The following TAFA1 variants were observed in gnomAD, a reference collection of about 807,000 sequenced individuals.
TAFA1 encodes the protein TAFA chemokine like family member 1.
In TAFA1, 4 loss-of-function variants were observed where a neutral mutation model predicts 18.5. The observed-to-expected ratio is 0.22, with a 90% CI of 0.11 to 0.49. TAFA1 has a LOEUF of 0.49. Ranked by LOEUF, TAFA1 falls within the 20% of genes least tolerant of loss-of-function variation. TAFA1 has a pLI of 0.98. For missense variants in TAFA1, 147 were observed against 169.0 expected (o/e 0.87, Z 0.72); for synonymous variants, 56 against 55.2 (o/e 1.01, Z -0.06).
intron 2 of TAFA1, among the ~76,000 whole-genome samples, chr3:68,294,799 C>T (rs75505092): frequency 0.088 from 13,429 of 152,066 alleles, 907 homozygotes; most frequent in East Asian, 0.34. Context: ...ATCGTTTGAG[C>T]CTGGGAGGTT....
intron 3 of TAFA1, among the ~76,000 whole-genome samples, chr3:68,435,129 G>T (rs2071247992): frequency 6.6e-6 from 1 of 152,108 alleles, no homozygotes; most frequent in Non-Finnish European, 1.5e-5. Context: ...GGGTGTTCTA[G>T]ATGGCTTCTC....
rs377309372 is a variant in TAFA1, at chr3:68,313,016, C to T, written c.119-104264C>T. Among the ~76,000 whole-genome samples, 6 of 152,056 alleles carry T rather than the reference C, an allele frequency of 3.9e-5. No homozygotes were observed. The East Asian group carries it at 1.2e-3, about 29-fold the overall frequency. Reference sequence around the variant, plus strand: ...AAAAAAGAGAGCTTGTGCAGGGAGACTCCGATTTTTAAAGTCGTCAGATCT... The same window carrying T: ...AAAAAAGAGAGCTTGTGCAGGGAGATTCCGATTTTTAAAGTCGTCAGATCT... On this transcript the variant is annotated intron_variant, in intron 2 of 4. Coordinates refer to ENST00000478136, the MANE Select transcript of TAFA1 (RefSeq NM_213609.4).
intron 1 of TAFA1, among the ~76,000 whole-genome samples, chr3:68,006,021 G>A (rs1704350292): frequency 6.6e-6 from 1 of 152,188 alleles, no homozygotes; most frequent in African/African-American, 2.4e-5. Flanking sequence ...TAGGATAGAA[G>A]CATAGGTGTT....
chr3:68,011,189 T>A (rs1704464779), intron 2 of TAFA1, among the ~76,000 whole-genome samples: 1 of 152,064 alleles, frequency 6.6e-6, no homozygotes, highest in Non-Finnish European at 1.5e-5. Flanking sequence ...ATCTCAAAAT[T>A]ATTTAGCAAG....
chr3:68,094,553 T>C (rs946844658), intron 2 of TAFA1, among the ~76,000 whole-genome samples: 1 of 152,174 alleles, frequency 6.6e-6, no homozygotes, highest in Admixed American at 6.6e-5. Context: ...GAATTGTTAA[T>C]AATATTTGCT....
At chr3:68,083,397 A>T (rs945717068) in intron 2 of TAFA1, among the ~76,000 whole-genome samples, 6 of 152,274 alleles carry the variant, frequency 3.9e-5, no homozygotes, top group Admixed American at 3.3e-4. Flanking sequence ...CAAGTAAAAT[A>T]ATACATTAAA....
chr3:68,407,875 T>C (rs1007348788), intron 2 of TAFA1, among the ~76,000 whole-genome samples: 7 of 152,138 alleles, frequency 4.6e-5, no homozygotes, highest in African/African-American at 1.7e-4. Flanking sequence ...ATCTCAAGCA[T>C]AAACAAATCA....
At chr3:68,445,534 G>A (rs2071460584) in intron 3 of TAFA1, among the ~76,000 whole-genome samples, 2 of 152,152 alleles carry the variant, frequency 1.3e-5, no homozygotes, top group South Asian at 4.1e-4. Flanking sequence ...TGCAGTTGCA[G>A]ACACTGAAAT....
intron 2 of TAFA1, among the ~76,000 whole-genome samples, chr3:68,068,684 A>G (rs1050809604): frequency 6.6e-6 from 1 of 152,188 alleles, no homozygotes; most frequent in Non-Finnish European, 1.5e-5. Context: ...CCTGATCACA[A>G]AAGACCTCAT....
chr3:68,411,215 A>T (rs1211171044), intron 2 of TAFA1, among the ~76,000 whole-genome samples: 1 of 152,202 alleles, frequency 6.6e-6, no homozygotes, highest in East Asian at 1.9e-4. Context: ...TCACTGTATC[A>T]TGGGTGGGCC....
chr3:68,513,845 A>T (rs2072883415), intron 3 of TAFA1, among the ~76,000 whole-genome samples: 1 of 152,180 alleles, frequency 6.6e-6, no homozygotes, highest in African/African-American at 2.4e-5. Context: ...TTTCTCAAGT[A>T]GCTTTTGATC....
intron 3 of TAFA1, among the ~76,000 whole-genome samples, chr3:68,479,966 A>T (rs574853648): frequency 1.3e-5 from 2 of 152,312 alleles, no homozygotes; most frequent in African/African-American, 4.8e-5. Context: ...ATGGTTTGAG[A>T]CAAGTCTTTC....
intron 2 of TAFA1, among the ~76,000 whole-genome samples, chr3:68,375,449 A>T (rs1330575783): frequency 6.6e-6 from 1 of 152,204 alleles, no homozygotes; most frequent in Non-Finnish European, 1.5e-5. Context: ...CACACAAGTC[A>T]GTGGGCAAAA....
At chr3:68,397,431 G>A (rs1441127697) in intron 2 of TAFA1, among the ~76,000 whole-genome samples, 1 of 152,124 alleles carries the variant, frequency 6.6e-6, no homozygotes, top group African/African-American at 2.4e-5. Context: ...CTGTTCCTGT[G>A]TTAGTTTGCT....
At chr3:68,065,307 A>G (rs922226192) in intron 2 of TAFA1, among the ~76,000 whole-genome samples, 1 of 152,156 alleles carries the variant, frequency 6.6e-6, no homozygotes, top group Non-Finnish European at 1.5e-5. Flanking sequence ...GGATGACTGC[A>G]GAATACATTT....
chr3:68,071,997 T>G (rs1278121440), intron 2 of TAFA1, among the ~76,000 whole-genome samples: 2 of 152,228 alleles, frequency 1.3e-5, no homozygotes, highest in Admixed American at 1.3e-4. Flanking sequence ...GACAAATATC[T>G]AAACTATATC....
chr3:68,006,489 G>A lies in TAFA1; in HGVS notation c.-3-135G>A, dbSNP rs148355468. ...AATCCCACTTCATGGCATGACCTCT[G>A]CTGGATCATTAGTTCTAGCCAGAGA... On this transcript the variant is annotated intron_variant, in intron 1 of 4. Coordinates refer to ENST00000478136, the MANE Select transcript of TAFA1 (RefSeq NM_213609.4). 246 of 668,774 alleles carry A rather than the reference G, an allele frequency of 3.7e-4. No individual in the cohort carries two copies. In the African/African-American group the frequency reaches 3.7e-3, roughly 10 times the overall value. The allele number at this position is 668,774 out of a possible 1,614,324, so 41.4% of individuals were successfully genotyped here.
intron 2 of TAFA1, among the ~76,000 whole-genome samples, chr3:68,216,375 A>C (rs969190933): frequency 1.3e-5 from 2 of 152,106 alleles, no homozygotes; most frequent in African/African-American, 4.8e-5. Context: ...TAAAAATCCT[A>C]ATTCTATTAA....
At chr3:68,200,480 A>T (rs2066458088) in intron 2 of TAFA1, among the ~76,000 whole-genome samples, 2 of 151,564 alleles carry the variant, frequency 1.3e-5, no homozygotes, top group Admixed American at 1.3e-4. Flanking sequence ...TCTGTTAGGG[A>T]AGCTATTAAT....
Sources: gnomAD v4.1 joint callset for allele counts (sites outside exome capture counted in the v4.1 genomes callset) on GRCh38, gnomAD v4.1.1 for gene constraint, MANE v1.5 for transcripts, NCBI Gene and HGNC (gene_info 2026-07-23, HGNC 2026-07-21) for gene names.